Variants in CDC123 observed in about 807,000 individuals in gnomAD.
CDC123 encodes the protein translation initiation factor eIF2 assembly protein.
In CDC123, 37 loss-of-function variants were observed where a neutral mutation model predicts 54.4. That is an observed-to-expected ratio of 0.68 (90% confidence interval 0.52 to 0.89). CDC123 has a LOEUF of 0.89. Ranked by LOEUF, CDC123 falls within the 40% of genes least tolerant of loss-of-function variation. The probability of loss-of-function intolerance (pLI) is 0.00; values close to 1 mark genes in which losing one functional copy is unlikely to be tolerated. For synonymous variants in CDC123, 144 were observed against 136.8 expected (o/e 1.05, Z -0.37); for missense variants, 361 against 412.1 (o/e 0.88, Z 1.07).
intron 2 of CDC123, among the ~76,000 whole-genome samples, chr10:12,206,828 G>T (rs576425848): frequency 1.3e-5 from 2 of 151,894 alleles, no homozygotes; most frequent in South Asian, 4.2e-4. Context: ...GTGTGGTGGC[G>T]GGCGCCTGGA....
intron 6 of CDC123, among the ~76,000 whole-genome samples, chr10:12,226,415 C>T (rs1446695771): frequency 6.6e-6 from 1 of 151,916 alleles, no homozygotes; most frequent in Non-Finnish European, 1.5e-5. Context: ...CCCCCACCTC[C>T]TGGAGGGGGC....
chr10:12,210,401 C>G (rs768468282), intron 4 of CDC123, 79 bp downstream of exon 4: 21 of 1,499,904 alleles, frequency 1.4e-5, no homozygotes, highest in Non-Finnish European at 1.9e-5. Context: ...AAGTGCATAC[C>G]TCTCTTAAAT....
At chr10:12,204,485 A>T (rs1436331545) in intron 2 of CDC123, among the ~76,000 whole-genome samples, 1 of 152,050 alleles carries the variant, frequency 6.6e-6, no homozygotes, top group Non-Finnish European at 1.5e-5. Context: ...TAAATTTTTT[A>T]ATTTTTAGTT....
chr10:12,224,685 G>C (rs1427107487), intron 6 of CDC123, among the ~76,000 whole-genome samples: 1 of 152,124 alleles, frequency 6.6e-6, no homozygotes, highest in Non-Finnish European at 1.5e-5. Flanking sequence ...ACGTTCTTTT[G>C]GTACTTTGTT....
intron 6 of CDC123, among the ~76,000 whole-genome samples, chr10:12,220,593 C>T (rs2131744020): frequency 6.6e-6 from 1 of 152,352 alleles, no homozygotes; most frequent in African/African-American, 2.4e-5. Context: ...TAATCGGTTG[C>T]ATAACAGGAA....
At chr10:12,206,013 G>A (rs909860851) in intron 2 of CDC123, among the ~76,000 whole-genome samples, 1 of 152,146 alleles carries the variant, frequency 6.6e-6, no homozygotes, top group Non-Finnish European at 1.5e-5. Flanking sequence ...TTTTGGCCAG[G>A]CTAGTCTTGA....
chr10:12,198,932 A>G lies in CDC123; in HGVS notation c.146+156A>G, dbSNP rs149681178. On this transcript the variant is annotated intron_variant, in intron 2 of 12. Coordinates refer to ENST00000281141, the MANE Select transcript of CDC123 (RefSeq NM_006023.3). ...TGTCTCATATTCCTTCTCAATGTTC[A>G]CTTAATATTTTCAACATTAAGTACT... The G allele has an allele frequency of 1.3e-3, 697 of 551,008 alleles. 6 individuals are homozygous for G. The highest frequency in any genetic ancestry group is 7.5e-3 in the South Asian group (320 of 42,738). The allele number at this position is 551,008 out of a possible 1,614,324, so 34.1% of individuals were successfully genotyped here. A position where few individuals can be genotyped will look rare whatever the true frequency, so the allele number is the denominator to read the frequency against.
At chr10:12,236,031 C>T (rs983806491) in intron 8 of CDC123, among the ~76,000 whole-genome samples, 5 of 152,120 alleles carry the variant, frequency 3.3e-5, no homozygotes, top group Non-Finnish European at 2.9e-5. Flanking sequence ...ATGGCTTGAA[C>T]GAGAGCAGGC....
intron 6 of CDC123, among the ~76,000 whole-genome samples, chr10:12,221,649 C>T (rs1226542438): frequency 6.6e-6 from 1 of 151,824 alleles, no homozygotes; most frequent in Non-Finnish European, 1.5e-5. Flanking sequence ...TGTGCCACAA[C>T]ACAAATTCAT....
chr10:12,205,380 C>T (rs1835504380), intron 2 of CDC123, among the ~76,000 whole-genome samples: 1 of 152,214 alleles, frequency 6.6e-6, no homozygotes, highest in African/African-American at 2.4e-5. Context: ...CTGCAACAAA[C>T]AGGAGTTTAC....
In CDC123 at chr10:12,243,386, G is replaced by GA. The variant is rs5783245; in HGVS notation, c.718-2751dup. Among the ~76,000 whole-genome samples the GA allele has an allele frequency of 6.4e-3, 922 of 143,788 alleles. 13 individuals are homozygous for GA. The highest frequency in any genetic ancestry group is 0.022 in the African/African-American group (857 of 38,692). The allele number at this position is 143,788 out of a possible 152,430, so 94.3% of individuals were successfully genotyped here. On this transcript the variant is annotated intron_variant, in intron 10 of 12. Coordinates refer to ENST00000281141, the MANE Select transcript of CDC123 (RefSeq NM_006023.3). ...GCACTCCTGCCTGGGCAACAAGAGT[G>GA]AAAAAAAAAAAAGGAAAAAATGTGG... is the stretch of plus-strand genomic sequence containing the variant.
At chr10:12,241,489 G>A (rs904350490) in intron 10 of CDC123, among the ~76,000 whole-genome samples, 7 of 152,036 alleles carry the variant, frequency 4.6e-5, no homozygotes, top group African/African-American at 1.4e-4. Context: ...TTTGGTATGC[G>A]ATATGGATCC....
chr10:12,218,037 C>T lies in CDC123; in HGVS notation c.440+570C>T, dbSNP rs371079657. Among the ~76,000 whole-genome samples the T allele has an allele frequency of 1.2e-3, 178 of 152,104 alleles. 2 individuals are homozygous for T. In the South Asian group the frequency reaches 0.035, roughly 30 times the overall value. On this transcript the variant is annotated intron_variant, in intron 6 of 12. Coordinates refer to ENST00000281141, the MANE Select transcript of CDC123 (RefSeq NM_006023.3). ...CCGGGAGGCGGAGTTTGTAGTGAGC[C>T]GAGATTGCGTGCCACTGCACTGTAG...
Position 12,210,012 on chromosome 10 carries a change from A to G in CDC123, c.192A>G (p.Ala64=). ...CTCAGCCAGACAGTGATGATGAAGCAGAAGAAATACAGGTTGGTACCAAAT... is the reference window on the plus strand; with the variant it reads ...CTCAGCCAGACAGTGATGATGAAGCGGAAGAAATACAGGTTGGTACCAAAT... ...THSQPDSDDE[A]EEIQWSDDEN... is the part of the protein sequence containing the mutation. The change falls in exon 3 of 13, where the codon GCA becomes GCG. Residue 64 remains alanine (A), a synonymous_variant. Coordinates refer to ENST00000281141, the MANE Select transcript of CDC123 (RefSeq NM_006023.3). 1 of 1,614,180 alleles carries G rather than the reference A, an allele frequency of 6.2e-7. No individual in the cohort carries two copies. Among genetic ancestry groups the G allele is most frequent in the Non-Finnish European group, 8.5e-7 (1 of 1,179,994 alleles).
At chr10:12,211,354 A>T (rs1351524508) in intron 4 of CDC123, among the ~76,000 whole-genome samples, 2 of 152,194 alleles carry the variant, frequency 1.3e-5, no homozygotes, top group Non-Finnish European at 2.9e-5. Flanking sequence ...AGATAAGAAG[A>T]TACTTGTTTA....
At chr10:12,240,671 T>A (rs1185256844) in intron 10 of CDC123, among the ~76,000 whole-genome samples, 1 of 152,116 alleles carries the variant, frequency 6.6e-6, no homozygotes, top group Non-Finnish European at 1.5e-5. Flanking sequence ...CCCAGGAGTT[T>A]GAGATCAGCC....
At chr10:12,206,209 C>G (rs995921901) in intron 2 of CDC123, among the ~76,000 whole-genome samples, 1 of 152,158 alleles carries the variant, frequency 6.6e-6, no homozygotes, top group African/African-American at 2.4e-5. Context: ...ACCTTGATAA[C>G]AAGTATGTTT....
intron 2 of CDC123, among the ~76,000 whole-genome samples, chr10:12,203,206 G>A (rs372694707): frequency 1.3e-5 from 2 of 152,178 alleles, no homozygotes; most frequent in Non-Finnish European, 2.9e-5. Flanking sequence ...TGGCTGTGGA[G>A]GTCTGCCATG....
At chr10:12,205,602 A>G (rs753144131) in intron 2 of CDC123, among the ~76,000 whole-genome samples, 1 of 152,176 alleles carries the variant, frequency 6.6e-6, no homozygotes, top group Admixed American at 6.5e-5. Context: ...TATTGATGCA[A>G]AGTTCTTGGC....
Sources: allele counts gnomAD v4.1 joint callset (sites outside exome capture counted in the v4.1 genomes callset), GRCh38; gene constraint gnomAD v4.1.1; transcripts MANE v1.5; gene names NCBI Gene and HGNC (gene_info 2026-07-23, HGNC 2026-07-21).